The following OTOA variants were observed in gnomAD, a reference collection of about 807,000 sequenced individuals.
The protein encoded by OTOA is otoancorin.
In OTOA, 70 loss-of-function variants were observed where a neutral mutation model predicts 110.8. The observed-to-expected ratio is 0.63, with a 90% CI of 0.52 to 0.77. The LOEUF is 0.77. Ranked by LOEUF, OTOA falls within the 30% of genes least tolerant of loss-of-function variation. The pLI, the probability that OTOA is intolerant of heterozygous loss-of-function variation, is 0.00. For missense variants in OTOA, 917 were observed against 1,075.8 expected (o/e 0.85, Z 2.06); for synonymous variants, 373 against 431.5 (o/e 0.86, Z 1.68).
intron 13 of OTOA, among the ~76,000 whole-genome samples, chr16:21,714,300 T>TCTTCCTTCCTTC (rs753112398): frequency 0.048 from 4,846 of 100,060 alleles, 270 homozygotes; most frequent in African/African-American, 0.1. Context: ...TCTTTTCCTT[T>TCTTCCTTCCTTC]CTTCCTTCCT....
At chr16:21,714,794 G>A (rs574115998) in intron 13 of OTOA, among the ~76,000 whole-genome samples, 191 bp from the exon 14 acceptor site, 1 of 152,274 alleles carries the variant, frequency 6.6e-6, no homozygotes, top group African/African-American at 2.4e-5. Flanking sequence ...ACAGGCGTGA[G>A]CCACCATGCC....
rs1336114377 is a variant in OTOA at position 21,760,660 on chromosome 16, ACCCTGGGG to A, written c.*123_*130del. On this transcript the variant is annotated 3_prime_UTR_variant, in exon 29 of 29. Transcript: ENST00000646100. Reference sequence around the variant, plus strand: ...CCAGACCCTCATCTAGGGCAGGGAAACCCTGGGGCCTTGATGGTGAAAATGCACCCCAA... The same window carrying A: ...CCAGACCCTCATCTAGGGCAGGGAAACCTTGATGGTGAAAATGCACCCCAA... The A allele has an allele frequency of 1.2e-6, 1 of 801,882 alleles. No homozygotes were observed. The highest frequency in any genetic ancestry group is 2.2e-5 in the Admixed American group (1 of 46,188). The allele number at this position is 801,882 out of a possible 1,614,324, so 49.7% of individuals were successfully genotyped here.
chr16:21,725,550 CTGG>C (rs2141715126), intron 18 of OTOA, among the ~76,000 whole-genome samples: 1 of 152,190 alleles, frequency 6.6e-6, no homozygotes, highest in East Asian at 1.9e-4. Flanking sequence ...TCCCAAAGTG[CTGG>C]GATTATAGCT....
chr16:21,736,477 G>T, intron 22 of OTOA, 87 bp downstream of exon 22: 2 of 1,413,934 alleles, frequency 1.4e-6, no homozygotes, highest in Non-Finnish European at 2.0e-6. Context: ...GCCTCCTTAT[G>T]CAGGGAACTG....
In OTOA at chr16:21,728,417, C is replaced by T; in HGVS notation, c.2193C>T (p.Leu731=). ...AAAAGGCTGCAGTGAGGCTCAAGCT[C>T]CTGGGACAGTATGGGTGAGGAGCGG... ...PEQKAAVRLK[L]LGQYGLPQHW... is the part of the protein sequence containing the mutation. Residue 731 remains leucine (L), a synonymous_variant, in exon 20 of 29, where the codon CTC becomes CTT. Transcript: ENST00000646100. 1 of 1,613,968 alleles carries T rather than the reference C, an allele frequency of 6.2e-7. No individual in the cohort carries two copies. Among genetic ancestry groups the T allele is most frequent in the Non-Finnish European group, 8.5e-7 (1 of 1,179,968 alleles).
chr16:21,683,911 G>C (rs374135864), intron 6 of OTOA, among the ~76,000 whole-genome samples: 127 of 151,786 alleles, frequency 8.4e-4, no homozygotes, highest in African/African-American at 3.0e-3. Flanking sequence ...TGGGACTACA[G>C]GTGCATGCCA....
chr16:21,671,945 A>G (rs749392207), intron 1 of OTOA, among the ~76,000 whole-genome samples: 27 of 152,138 alleles, frequency 1.8e-4, no homozygotes, highest in Non-Finnish European at 2.6e-4. Flanking sequence ...CAGCTTGGGC[A>G]CTATAGTGAG....
At chr16:21,675,436 G>A (rs1301167782) in intron 1 of OTOA, among the ~76,000 whole-genome samples, 4 of 149,492 alleles carry the variant, frequency 2.7e-5, no homozygotes, top group South Asian at 4.2e-4. Context: ...GATTACAGGC[G>A]TGAGCCACTG....
intron 9 of OTOA, 58 bp from the exon 10 acceptor site, chr16:21,697,717 A>G (rs1897971735): frequency 7.1e-7 from 1 of 1,400,308 alleles, no homozygotes; most frequent in Admixed American, 1.7e-5. Flanking sequence ...ATCACATACC[A>G]GTGTAAAGGC....
At chr16:21,729,042 A>ATT (rs11464811) in intron 20 of OTOA, among the ~76,000 whole-genome samples, 3 of 148,214 alleles carry the variant, frequency 2.0e-5, no homozygotes, top group East Asian at 2.0e-4. Flanking sequence ...TTTAAAGACT[A>ATT]TTTTTTTTTT....
At chr16:21,716,786 A>T in intron 14 of OTOA, 121 bp from the exon 15 acceptor site, 1 of 1,173,482 alleles carries the variant, frequency 8.5e-7, no homozygotes, top group Non-Finnish European at 1.3e-6. Context: ...GCTACTCTCC[A>T]CTTCCTAGGG....
At chr16:21,695,887 A>ATTTTTTTTTTTTTTTTT in intron 9 of OTOA, among the ~76,000 whole-genome samples, 1 of 61,646 alleles carries the variant, frequency 1.6e-5, no homozygotes. Context: ...ATATATATAT[A>ATTTTTTTTTTTTTTTTT]TATATTTTTT....
At chr16:21,693,086 C>T (rs1253996904) in intron 9 of OTOA, among the ~76,000 whole-genome samples, 1 of 152,070 alleles carries the variant, frequency 6.6e-6, no homozygotes, top group Non-Finnish European at 1.5e-5. Context: ...AAAACTCTGT[C>T]TTTACCAAAA....
In OTOA at chr16:21,747,509, C is replaced by T. The variant is rs1204754652; in HGVS notation, c.2775+2473C>T. Reference sequence around the variant, plus strand: ...TTTCTAGATTAATAGTCAGACCTGACGGAACTACATTAACAGATAGTTCAG... The same window carrying T: ...TTTCTAGATTAATAGTCAGACCTGATGGAACTACATTAACAGATAGTTCAG... On this transcript the variant is annotated intron_variant, in intron 24 of 28. Coordinates refer to ENST00000646100, the MANE Select transcript of OTOA (RefSeq NM_144672.4). The T allele has an allele frequency of 4.8e-3, 513 of 106,324 alleles. 4 individuals are homozygous for T. The East Asian group carries it at 0.051, about 10-fold the overall frequency. The allele number at this position is 106,324 out of a possible 1,614,324, so 6.6% of individuals were successfully genotyped here.
chr16:21,674,759 G>C (rs1966853934), intron 1 of OTOA, among the ~76,000 whole-genome samples: 1 of 151,100 alleles, frequency 6.6e-6, no homozygotes, highest in South Asian at 2.1e-4. Context: ...TTTGCTATCT[G>C]TATATATACT....
At chr16:21,699,722 C>T (rs1898013480) in intron 10 of OTOA, among the ~76,000 whole-genome samples, 1 of 152,032 alleles carries the variant, frequency 6.6e-6, no homozygotes, top group Admixed American at 6.6e-5. Context: ...TGTTCAAGAC[C>T]AGCCTGGCCA....
chr16:21,703,541 TA>T (rs1339430888), intron 11 of OTOA, among the ~76,000 whole-genome samples: 1 of 152,154 alleles, frequency 6.6e-6, no homozygotes, highest in Non-Finnish European at 1.5e-5. Flanking sequence ...GTTGGACACT[TA>T]GGATGATTCC....
intron 5 of OTOA, among the ~76,000 whole-genome samples, chr16:21,680,511 C>T (rs1313673253): frequency 2.7e-5 from 4 of 150,660 alleles, no homozygotes; most frequent in South Asian, 4.2e-4. Context: ...GAGACTCCAT[C>T]GCAAAACAAA....
At position 21,715,136 on chromosome 16, in the gene OTOA, A is replaced by G. The variant is rs1404729951; in HGVS notation, c.1472A>G (p.Gln491Arg). 41 of 1,614,070 alleles carry G rather than the reference A, an allele frequency of 2.5e-5. No individual in the cohort carries two copies. The Admixed American group carries it at 6.8e-4, about 27-fold the overall frequency. The change falls in exon 14 of 29, where the codon CAA (glutamine) becomes CGA (arginine). Residue 491 changes from glutamine to arginine, a missense_variant. Gln to Arg is a conservative substitution (Grantham distance 43). Around this residue, in one of 6 missense-constraint regions of OTOA, gnomAD observed 840 missense variants for 910.2 expected, o/e 0.92. Transcript: ENST00000646100. The stretch of plus-strand genomic sequence containing the variant: ...TCCGACTTGTCACCTGCCCAGCAGC[A>G]AGGTATCCTCAGCAAGGTGAGAGGA... ...YVSDLSPAQQ[Q>R]GILSKMVQAE...
Sources: gnomAD v4.1 joint callset for allele counts (sites outside exome capture counted in the v4.1 genomes callset) on GRCh38, gnomAD v4.1.1 for gene constraint, gnomAD v4.1.1 regional missense constraint, MANE v1.5 for transcripts, NCBI Gene and HGNC (gene_info 2026-07-23, HGNC 2026-07-21) for gene names.